The following TSPAN15 variants were observed in gnomAD, a reference collection of about 807,000 sequenced individuals.
TSPAN15 encodes tetraspanin-15.
Under a neutral mutation model 34.5 loss-of-function variants are expected in TSPAN15, and 20 were observed. The observed-to-expected ratio is 0.58, with a 90% CI of 0.41 to 0.84. TSPAN15 has a LOEUF of 0.84. TSPAN15 is among the 40% of genes least tolerant of loss of function. TSPAN15 has a pLI of 0.00. For synonymous variants in TSPAN15, 155 were observed against 153.9 expected, an observed-to-expected ratio of 1.01 and a Z score of -0.05; for missense variants, 313 against 386.1, an observed-to-expected ratio of 0.81 and a Z score of 1.59.
At chr10:69,515,222 C>G in the TSPAN15 span, among the ~76,000 whole-genome samples, 2 of 152,184 alleles carry the variant, frequency 1.3e-5, no homozygotes, top group African/African-American at 4.8e-5. Context: ...ATTTTGCTTT[C>G]CCAACCTCTT....
chr10:69,455,571 CTCTTT>C (rs1435992457), intron 1 of TSPAN15, among the ~76,000 whole-genome samples: 1 of 127,062 alleles, frequency 7.9e-6, no homozygotes, highest in Non-Finnish European at 1.6e-5. Context: ...TTCTTTCTTT[CTCTTT>C]TCTTTCTTTC....
chr10:69,471,495 G>A (rs117967416), intron 1 of TSPAN15, among the ~76,000 whole-genome samples: 1 of 152,174 alleles, frequency 6.6e-6, no homozygotes, highest in Non-Finnish European at 1.5e-5. Context: ...TCTTTTGGGG[G>A]AATTTTTTAA....
At chr10:69,524,296 C>T in the TSPAN15 span, among the ~76,000 whole-genome samples, 6 of 146,872 alleles carry the variant, frequency 4.1e-5, no homozygotes, top group East Asian at 7.7e-4. Flanking sequence ...TGGTGAAACC[C>T]GTCTCTACTA....
chr10:69,534,646 G>A, the TSPAN15 span, among the ~76,000 whole-genome samples: 1 of 152,006 alleles, frequency 6.6e-6, no homozygotes, highest in Admixed American at 6.6e-5. Context: ...TGGCATGGAA[G>A]AAAGAAGATA....
the TSPAN15 span, among the ~76,000 whole-genome samples, chr10:69,515,735 C>T: frequency 6.6e-6 from 1 of 152,220 alleles, no homozygotes; most frequent in African/African-American, 2.4e-5. Context: ...GCCTGATTTG[C>T]AGTCCTAAAG....
intron 1 of TSPAN15, among the ~76,000 whole-genome samples, chr10:69,479,642 G>A (rs928746725): frequency 7.2e-5 from 11 of 152,270 alleles, no homozygotes; most frequent in Admixed American, 7.2e-4. Flanking sequence ...GCAGAGTGGA[G>A]CGGATGGGAT....
intron 2 of TSPAN15, 105 bp downstream of exon 2, chr10:69,483,981 A>C: frequency 7.9e-7 from 1 of 1,258,656 alleles, no homozygotes; most frequent in South Asian, 1.5e-5. Context: ...GCCTCAAACC[A>C]CCTCCTTTAG....
Position 69,483,873 on chromosome 10 carries a change from A to T in TSPAN15, c.279A>T (p.Gln93His), listed in dbSNP as rs62625031. Reference sequence around the variant, plus strand: ...TCCGTGACAACCTGTACCTTCTCCAAGCAGTGAGTGGACCACACCACCCCT... The same window carrying T: ...TCCGTGACAACCTGTACCTTCTCCATGCAGTGAGTGGACCACACCACCCCT... Reference protein sequence around the residue: ...ASLRDNLYLLQAFMYILGICL... With the variant: ...ASLRDNLYLLHAFMYILGICL... The change falls in exon 2 of 8, where the codon CAA (glutamine) becomes CAT (histidine). Residue 93 changes from glutamine (Q) to histidine (H), a missense_variant. Transcript: ENST00000373290. The T allele has an allele frequency of 0.031, 49,901 of 1,612,706 alleles. 963 individuals are homozygous for T. Among genetic ancestry groups the T allele is most frequent in the Non-Finnish European group, 0.037 (43,255 of 1,179,520 alleles).
At chr10:69,490,107 C>T (rs189736084) in intron 3 of TSPAN15, among the ~76,000 whole-genome samples, 1 of 152,284 alleles carries the variant, frequency 6.6e-6, no homozygotes, top group East Asian at 1.9e-4. Context: ...CATTGTGGTC[C>T]TACCTGACAC....
the TSPAN15 span, among the ~76,000 whole-genome samples, chr10:69,541,345 T>G: frequency 7.2e-5 from 11 of 152,254 alleles, no homozygotes; most frequent in Admixed American, 2.6e-4. Context: ...GAGATCATTT[T>G]GGAACTTTAA....
chr10:69,481,536 C>G lies in TSPAN15; in HGVS notation c.97-2155C>G, dbSNP rs1016776021. ...TCACTTCCCTTTATTCAGGACTTAG[C>G]TCTCTTTAGAAGGAGGTCACGGGCA... On this transcript the variant is annotated intron_variant, in intron 1 of 7. Transcript: ENST00000373290. 3.3e-5 allele frequency among the ~76,000 whole-genome samples: 5 copies of G among 152,370 alleles called. No homozygotes were observed. In the South Asian group the frequency reaches 1.0e-3, roughly 32 times the overall value.
At chr10:69,516,969 T>C in the TSPAN15 span, among the ~76,000 whole-genome samples, 3 of 152,156 alleles carry the variant, frequency 2.0e-5, no homozygotes, top group African/African-American at 7.2e-5. Flanking sequence ...GTGGGCTCAC[T>C]GGATCCCATG....
At chr10:69,461,263 C>A (rs997054969) in intron 1 of TSPAN15, among the ~76,000 whole-genome samples, 1 of 152,196 alleles carries the variant, frequency 6.6e-6, no homozygotes, top group Non-Finnish European at 1.5e-5. Context: ...GTTCCTGGGA[C>A]AAGAACTGTT....
rs1842354201 is a variant in TSPAN15 at position 69,507,353 on chromosome 10, G to A, written c.*375G>A. The A allele has an allele frequency of 1.7e-6, 2 of 1,211,876 alleles. No homozygotes were observed. The highest frequency in any genetic ancestry group is 2.1e-6 in the Non-Finnish European group (2 of 957,614). The allele number at this position is 1,211,876 out of a possible 1,614,324, so 75.1% of individuals were successfully genotyped here. On this transcript the variant is annotated 3_prime_UTR_variant, in exon 8 of 8. Coordinates refer to ENST00000373290, the MANE Select transcript of TSPAN15 (RefSeq NM_012339.5). ...CAGTTTTGTAGCACCTGTAATTGGG[G>A]AGAGGGAGTGTGCCCCTCGGGGCAG...
intron 1 of TSPAN15, among the ~76,000 whole-genome samples, chr10:69,480,002 G>A (rs1397184527): frequency 6.6e-6 from 1 of 152,218 alleles, no homozygotes; most frequent in Non-Finnish European, 1.5e-5. Flanking sequence ...AGGCTAACTA[G>A]CAAGGAAATG....
chr10:69,461,709 A>C (rs1841261930), intron 1 of TSPAN15, among the ~76,000 whole-genome samples: 1 of 152,006 alleles, frequency 6.6e-6, no homozygotes, highest in Admixed American at 6.5e-5. Context: ...GGCTGAGGCC[A>C]GCCTCTGGCC....
chr10:69,492,826 TGGCCAGTGGGGGTGCTGTAAGTG>T (rs1841996588), intron 3 of TSPAN15, among the ~76,000 whole-genome samples: 1 of 152,066 alleles, frequency 6.6e-6, no homozygotes, highest in African/African-American at 2.4e-5. Context: ...AACAGCACAG[TGGCCAGTGGGGGTGCTGTAAGTG>T]GGCCAGTGGG....
At chr10:69,498,099 A>G (rs1353523573) in intron 4 of TSPAN15, among the ~76,000 whole-genome samples, 181 bp from the exon 5 acceptor site, 2 of 152,082 alleles carry the variant, frequency 1.3e-5, no homozygotes, top group African/African-American at 2.4e-5. Context: ...CAGGGGGTTC[A>G]CTACCCTCTA....
intron 3 of TSPAN15, among the ~76,000 whole-genome samples, chr10:69,493,853 G>A (rs1176301682): frequency 6.6e-6 from 1 of 152,276 alleles, no homozygotes; most frequent in South Asian, 2.1e-4. Context: ...GACCTCAGGT[G>A]ATCTGCCCAC....
Sources: gnomAD v4.1 joint callset for allele counts (sites outside exome capture counted in the v4.1 genomes callset) on GRCh38, gnomAD v4.1.1 for gene constraint, MANE v1.5 for transcripts, NCBI Gene and HGNC (gene_info 2026-07-23, HGNC 2026-07-21) for gene names.